Variants in PLPPR1 observed in about 807,000 individuals in gnomAD.
PLPPR1 encodes phospholipid phosphatase-related protein type 1.
In PLPPR1, 10 loss-of-function variants were observed where a neutral mutation model predicts 33.1. That is an observed-to-expected ratio of 0.30 (90% confidence interval 0.19 to 0.51). The LOEUF (loss-of-function observed/expected upper bound fraction) is 0.51, where lower values mean the gene tolerates loss of function less well. Ranked by LOEUF, PLPPR1 falls within the 20% of genes least tolerant of loss-of-function variation. PLPPR1 has a pLI of 0.97. For missense variants in PLPPR1, 304 were observed against 408.1 expected (o/e 0.74, Z 2.20); for synonymous variants, 151 against 151.0 (o/e 1.00, Z 0.00).
rs138114401 is a variant in PLPPR1 at position 101,146,877 on chromosome 9, C to T, written c.-45-38573C>T. 5.1e-3 allele frequency among the ~76,000 whole-genome samples: 774 copies of T among 152,192 alleles called. 4 individuals carry two copies. The highest frequency in any genetic ancestry group is 8.8e-3 in the Non-Finnish European group (601 of 68,004). ...ATATTGATAATTTTGCAATTGTAAGCCTTGTTCTGATTCCACGTGGCATTA... is the reference window on the plus strand; with the variant it reads ...ATATTGATAATTTTGCAATTGTAAGTCTTGTTCTGATTCCACGTGGCATTA... On this transcript the variant is annotated intron_variant, in intron 1 of 7. Coordinates refer to ENST00000374874, the MANE Select transcript of PLPPR1 (RefSeq NM_207299.2).
chr9:101,033,706 A>G (rs1195115648), intron 1 of PLPPR1, among the ~76,000 whole-genome samples: 4 of 152,172 alleles, frequency 2.6e-5, no homozygotes, highest in Non-Finnish European at 4.4e-5. Context: ...AAATGCCTCC[A>G]CGTGGAATCC....
rs150892651 is a variant in PLPPR1, at chr9:101,253,343, T to A, written c.64-16537T>A. On this transcript the variant is annotated intron_variant, in intron 2 of 7. Coordinates refer to ENST00000374874, the MANE Select transcript of PLPPR1 (RefSeq NM_207299.2). ...CAGGCGGATCATTTGAGGTTAGGAG[T>A]TCAAGACCAACCTGGCCAACATGGT... Among the ~76,000 whole-genome samples, 131 of 151,388 alleles carry A rather than the reference T, an allele frequency of 8.7e-4. 1 individual carries two copies. The East Asian group carries it at 0.023, about 27-fold the overall frequency.
chr9:101,277,452 T>C (rs1014687162), intron 3 of PLPPR1, among the ~76,000 whole-genome samples: 3 of 152,072 alleles, frequency 2.0e-5, no homozygotes, highest in African/African-American at 7.2e-5. Flanking sequence ...GCCCATGGGA[T>C]TGTAGAAGGA....
intron 7 of PLPPR1, among the ~76,000 whole-genome samples, chr9:101,318,954 C>T (rs1050534542): frequency 6.6e-6 from 1 of 152,000 alleles, no homozygotes; most frequent in Non-Finnish European, 1.5e-5. Context: ...TAGCTGAGCC[C>T]GGCTAAAGTG....
chr9:101,320,225 A>G (rs950958753), intron 7 of PLPPR1, among the ~76,000 whole-genome samples: 13 of 152,186 alleles, frequency 8.5e-5, no homozygotes, highest in Admixed American at 2.6e-4. Flanking sequence ...ATATGGATAC[A>G]ATTTGAGGCC....
At chr9:101,181,719 AT>A (rs1470582057) in intron 1 of PLPPR1, among the ~76,000 whole-genome samples, 9 of 114,818 alleles carry the variant, frequency 7.8e-5, no homozygotes, top group Non-Finnish European at 1.6e-4. Context: ...CCAAATTACT[AT>A]TTGGGGGTGT....
chr9:101,225,038 C>A (rs1311943487), intron 2 of PLPPR1, among the ~76,000 whole-genome samples: 1 of 151,998 alleles, frequency 6.6e-6, no homozygotes, highest in Non-Finnish European at 1.5e-5. Context: ...CTTTTATAGC[C>A]AGAAATGTGC....
chr9:101,109,830 A>C (rs893994742), intron 1 of PLPPR1, among the ~76,000 whole-genome samples: 7 of 152,186 alleles, frequency 4.6e-5, no homozygotes, highest in African/African-American at 1.7e-4. Context: ...CTCATAATCA[A>C]CTAGCCATAT....
chr9:101,090,468 T>C (rs2118530391), intron 1 of PLPPR1, among the ~76,000 whole-genome samples: 1 of 152,304 alleles, frequency 6.6e-6, no homozygotes, highest in African/African-American at 2.4e-5. Context: ...TGTTGTTTGA[T>C]TTCTATTGAA....
At chr9:101,167,243 C>G (rs545643279) in intron 1 of PLPPR1, among the ~76,000 whole-genome samples, 1 of 130,588 alleles carries the variant, frequency 7.7e-6, no homozygotes, top group Non-Finnish European at 1.6e-5. Flanking sequence ...ACTTTCTCTT[C>G]CTGTCTCCCC....
At chr9:101,129,851 A>G (rs1039836811) in intron 1 of PLPPR1, among the ~76,000 whole-genome samples, 17 of 152,192 alleles carry the variant, frequency 1.1e-4, no homozygotes, top group Non-Finnish European at 4.4e-5. Flanking sequence ...AAATAAATAA[A>G]AGGGAAAAAA....
intron 2 of PLPPR1, among the ~76,000 whole-genome samples, chr9:101,195,769 C>T (rs776390952): frequency 2.0e-5 from 3 of 152,120 alleles, no homozygotes; most frequent in Non-Finnish European, 2.9e-5. Context: ...TGCTGTATAC[C>T]ATGTGGTAAC....
chr9:101,246,794 G>A (rs543994218), intron 2 of PLPPR1, among the ~76,000 whole-genome samples: 156 of 152,116 alleles, frequency 1.0e-3, no homozygotes, highest in Middle Eastern at 3.4e-3. Context: ...TCCTGTTCTT[G>A]TCTGGGGACA....
chr9:101,109,195 C>T (rs1399627285), intron 1 of PLPPR1, among the ~76,000 whole-genome samples: 1 of 134,432 alleles, frequency 7.4e-6, no homozygotes, highest in Non-Finnish European at 1.5e-5. Flanking sequence ...AGGATGGTCT[C>T]TATCTCCTGA....
intron 1 of PLPPR1, among the ~76,000 whole-genome samples, chr9:101,099,825 T>C (rs1166962092): frequency 6.6e-6 from 1 of 152,120 alleles, no homozygotes; most frequent in Non-Finnish European, 1.5e-5. Context: ...TAAATAAATA[T>C]GGCTCACCAG....
chr9:101,199,456 C>T (rs897743185), intron 2 of PLPPR1, among the ~76,000 whole-genome samples: 1 of 152,118 alleles, frequency 6.6e-6, no homozygotes, highest in African/African-American at 2.4e-5. Flanking sequence ...GTCCTATTTT[C>T]CCCATAAATT....
At chr9:101,286,027 G>A in intron 3 of PLPPR1, 77 bp from the exon 4 acceptor site, 1 of 1,203,338 alleles carries the variant, frequency 8.3e-7, no homozygotes, top group South Asian at 1.5e-5. Context: ...CAACAGTTTT[G>A]TTTTGTTTTT....
At chr9:101,081,181 TG>T (rs1169255908) in intron 1 of PLPPR1, among the ~76,000 whole-genome samples, 4 of 152,134 alleles carry the variant, frequency 2.6e-5, no homozygotes, top group Non-Finnish European at 5.9e-5. Context: ...TAATGTGGTT[TG>T]GGGGGTGGGT....
intron 1 of PLPPR1, among the ~76,000 whole-genome samples, chr9:101,093,152 C>A (rs527709202): frequency 6.6e-6 from 1 of 152,302 alleles, no homozygotes; most frequent in East Asian, 1.9e-4. Context: ...AGCTTTGAGT[C>A]ATTTTCAAAT....
Sources: gnomAD v4.1 joint callset for allele counts (sites outside exome capture counted in the v4.1 genomes callset) on GRCh38, gnomAD v4.1.1 for gene constraint, MANE v1.5 for transcripts, NCBI Gene and HGNC (gene_info 2026-07-23, HGNC 2026-07-21) for gene names.